Variants in MTUS1 observed in about 807,000 individuals in gnomAD.
MTUS1 encodes microtubule-associated tumor suppressor 1.
MTUS1 carries 109 observed loss-of-function variants against 120.8 expected under a neutral mutation model. The observed-to-expected ratio is 0.90, with a 90% CI of 0.77 to 1.06. The LOEUF (loss-of-function observed/expected upper bound fraction) is 1.06. Among genes scored for constraint, MTUS1 ranks in the 50% least tolerant of loss-of-function variants. MTUS1 has a pLI of 0.00. For missense variants in MTUS1, 2,210 were observed against 1,486.3 expected, an observed-to-expected ratio of 1.49 and a Z score of -8.01; for synonymous variants, 737 against 550.5, an observed-to-expected ratio of 1.34 and a Z score of -4.74.
chr8:17,719,181 A>C (rs749071615), intron 4 of MTUS1, among the ~76,000 whole-genome samples: 1 of 152,160 alleles, frequency 6.6e-6, no homozygotes, highest in Non-Finnish European at 1.5e-5. Flanking sequence ...AAAAAAAAGA[A>C]AAGGGCTTCT....
At chr8:17,753,114 T>C (rs2048320721) in intron 2 of MTUS1, among the ~76,000 whole-genome samples, 1 of 152,188 alleles carries the variant, frequency 6.6e-6, no homozygotes, top group Non-Finnish European at 1.5e-5. Flanking sequence ...CAGGAATTAA[T>C]ATATTAAGGC....
chr8:17,687,334 T>C (rs1816034743), intron 6 of MTUS1, among the ~76,000 whole-genome samples: 2 of 152,098 alleles, frequency 1.3e-5, no homozygotes, highest in South Asian at 4.1e-4. Context: ...AGATCAGAGA[T>C]GATGCAAAAA....
intron 2 of MTUS1, among the ~76,000 whole-genome samples, chr8:17,753,292 G>C (rs1377433076): frequency 6.6e-6 from 1 of 152,102 alleles, no homozygotes; most frequent in Non-Finnish European, 1.5e-5. Context: ...GAGTCCAGGA[G>C]TTATTTTTAT....
intron 8 of MTUS1, among the ~76,000 whole-genome samples, chr8:17,662,794 C>A: frequency 6.9e-6 from 1 of 145,554 alleles, no homozygotes; most frequent in East Asian, 2.0e-4. Flanking sequence ...CTATCTCCAG[C>A]AATCTAGCTT....
chr8:17,738,455 T>C (rs984026752), intron 3 of MTUS1, among the ~76,000 whole-genome samples: 1 of 152,228 alleles, frequency 6.6e-6, no homozygotes, highest in Non-Finnish European at 1.5e-5. Context: ...AAAGCTGGTA[T>C]TGCCTCCAAA....
chr8:17,673,942 A>G (rs1008413332), intron 8 of MTUS1, among the ~76,000 whole-genome samples: 1 of 152,198 alleles, frequency 6.6e-6, no homozygotes, highest in African/African-American at 2.4e-5. Flanking sequence ...TGCATTATTC[A>G]TACAACATAC....
At position 17,684,263 on chromosome 8, in the gene MTUS1, G is replaced by A. The variant is rs921498022; in HGVS notation, c.2838+65C>T. 4.2e-6 allele frequency: 5 copies of A among 1,180,202 alleles called. No homozygotes were observed. In the African/African-American group the frequency reaches 6.0e-5, roughly 14 times the overall value. The allele number at this position is 1,180,202 out of a possible 1,614,324, so 73.1% of individuals were successfully genotyped here. A position where few individuals can be genotyped will look rare whatever the true frequency, so the allele number is the denominator to read the frequency against. ...AGATATTCCCAAGGCCAGCGTGTGA[G>A]CAAGTCCTCCCCGTGCTCCCCCGAC... On this transcript the variant is annotated intron_variant, in intron 7 of 14. Transcript: ENST00000693296.
chr8:17,665,007 T>C (rs1391884173), intron 8 of MTUS1, among the ~76,000 whole-genome samples: 1 of 152,164 alleles, frequency 6.6e-6, no homozygotes, highest in Non-Finnish European at 1.5e-5. Context: ...TAGGAACAAA[T>C]ACCACCTGTT....
intron 8 of MTUS1, among the ~76,000 whole-genome samples, chr8:17,673,075 A>G (rs574990396): frequency 7.9e-5 from 12 of 152,302 alleles, no homozygotes; most frequent in Admixed American, 2.0e-4. Context: ...GAACTCTGAA[A>G]CACACACAAA....
At chr8:17,662,925 T>A (rs1230725728) in intron 8 of MTUS1, among the ~76,000 whole-genome samples, 1 of 151,382 alleles carries the variant, frequency 6.6e-6, no homozygotes, top group Non-Finnish European at 1.5e-5. Context: ...GGCAAACTCA[T>A]GTACAAAAAC....
chr8:17,763,629 C>G (rs17125300), intron 1 of MTUS1, among the ~76,000 whole-genome samples: 12,238 of 152,120 alleles, frequency 0.08, 1,137 homozygotes, highest in African/African-American at 0.22. Context: ...CGACGGTGCA[C>G]TGAGGGAGAT....
Position 17,646,490 on chromosome 8 carries a change from A to C in MTUS1, c.3600-351T>G, listed in dbSNP as rs151079392. Among the ~76,000 whole-genome samples the C allele has an allele frequency of 8.2e-3, 1,245 of 152,266 alleles. 9 individuals carry two copies. Among genetic ancestry groups the C allele is most frequent in the African/African-American group, 0.028 (1,159 of 41,550 alleles). ...GTAGTCCCAGCTACTCAGGAGGCTG[A>C]GGTGGGAGGACTGCTCGAGCCTAGG... On this transcript the variant is annotated intron_variant, in intron 14 of 14. Transcript: ENST00000693296.
At chr8:17,653,100 T>C in intron 12 of MTUS1, 86 bp downstream of exon 12, 1 of 744,600 alleles carries the variant, frequency 1.3e-6, no homozygotes, top group East Asian at 2.9e-5. Context: ...CCTGTGTTAT[T>C]TCTCTGGCTG....
chr8:17,766,883 T>A (rs1281537660), intron 1 of MTUS1, among the ~76,000 whole-genome samples: 1 of 152,062 alleles, frequency 6.6e-6, no homozygotes, highest in Non-Finnish European at 1.5e-5. Context: ...TTTCTTTTAA[T>A]CATATTTTAA....
chr8:17,724,099 C>G (rs1197635070), intron 3 of MTUS1: 1 of 550,638 alleles, frequency 1.8e-6, no homozygotes, highest in South Asian at 1.7e-5. Flanking sequence ...GTAATTAACT[C>G]ACACATGTTC....
At chr8:17,676,768 G>A (rs963768587) in intron 7 of MTUS1, among the ~76,000 whole-genome samples, 2 of 152,112 alleles carry the variant, frequency 1.3e-5, no homozygotes, top group Non-Finnish European at 2.9e-5. Flanking sequence ...AATAGAAAAG[G>A]GAAACTTGTT....
intron 1 of MTUS1, among the ~76,000 whole-genome samples, chr8:17,793,072 T>C (rs1586442542): frequency 6.6e-6 from 1 of 152,102 alleles, no homozygotes; most frequent in Non-Finnish European, 1.5e-5. Flanking sequence ...AAGTTGTACA[T>C]ACATTTTTCT....
Position 17,655,868 on chromosome 8 carries a change from CTTGCAA to C in MTUS1, c.3097_3102del (p.Leu1033_Gln1034del). ...CTGGCTGCAAAAGCACAGACCTGCT[CTTGCAA>C]TTGCATTTTGTACTTCTCTGCTTCT... On this transcript the variant is annotated inframe_deletion, in exon 9 of 15. Transcript: ENST00000693296. 1 of 1,614,146 alleles carries C rather than the reference CTTGCAA, an allele frequency of 6.2e-7. No individual in the cohort carries two copies. The highest frequency in any genetic ancestry group is 8.5e-7 in the Non-Finnish European group (1 of 1,179,962).
At chr8:17,659,462 C>G (rs1009947359) in intron 8 of MTUS1, among the ~76,000 whole-genome samples, 1 of 152,134 alleles carries the variant, frequency 6.6e-6, no homozygotes, top group East Asian at 1.9e-4. Context: ...TTTGGAAGGC[C>G]GAAGCGTGCA....
Sources: allele counts gnomAD v4.1 joint callset (sites outside exome capture counted in the v4.1 genomes callset), GRCh38; gene constraint gnomAD v4.1.1; transcripts MANE v1.5; gene names NCBI Gene and HGNC (gene_info 2026-07-23, HGNC 2026-07-21).